Variants in BIN1 observed in about 807,000 individuals in gnomAD.
BIN1 encodes the protein bridging integrator 1, also known as myc box-dependent-interacting protein 1.
A neutral mutation model predicts 82.0 loss-of-function variants in BIN1; 53 were observed. That is an observed-to-expected ratio of 0.65 (90% CI 0.52 to 0.81). BIN1 has a LOEUF of 0.81. Among genes scored for constraint, BIN1 ranks in the 40% least tolerant of loss-of-function variants. BIN1 has a pLI of 0.00. For synonymous variants in BIN1, 302 were observed against 328.0 expected, an observed-to-expected ratio of 0.92 and a Z score of 0.86; for missense variants, 642 against 784.4, an observed-to-expected ratio of 0.82 and a Z score of 2.17.
intron 1 of BIN1, among the ~76,000 whole-genome samples, chr2:127,077,816 G>A (rs2105156109): frequency 6.6e-6 from 1 of 152,314 alleles, no homozygotes; most frequent in East Asian, 1.9e-4. Context: ...CCTCCATCAG[G>A]GCGGCAGAAA....
At chr2:127,065,334 C>T (rs537640280) in intron 7 of BIN1, among the ~76,000 whole-genome samples, 11 of 152,278 alleles carry the variant, frequency 7.2e-5, no homozygotes, top group African/African-American at 2.4e-4. Flanking sequence ...TCTATTCCAA[C>T]ATGCACACCT....
At chr2:127,050,609 G>C in intron 17 of BIN1, 87 bp from the exon 18 acceptor site, 1 of 1,476,208 alleles carries the variant, frequency 6.8e-7, no homozygotes, top group South Asian at 1.2e-5. Context: ...GGAGGTGCAG[G>C]TGGCAGTATG....
intron 12 of BIN1, among the ~76,000 whole-genome samples, chr2:127,056,902 A>T (rs753032057): frequency 1.3e-5 from 2 of 151,972 alleles, no homozygotes; most frequent in African/African-American, 4.8e-5. Context: ...GAGACCCAAG[A>T]CCCTCTGCGT....
chr2:127,058,881 G>A lies in BIN1; in HGVS notation c.1002+130C>T, dbSNP rs947400701. ...CCCAGGTCCAGGCCCAACCCCCACTGGGCAAAGCATCGGGTCCATAGCTGC... is the reference window on the plus strand; with the variant it reads ...CCCAGGTCCAGGCCCAACCCCCACTAGGCAAAGCATCGGGTCCATAGCTGC... On this transcript the variant is annotated intron_variant, in intron 11 of 18. Coordinates refer to ENST00000316724, the MANE Select transcript of BIN1 (RefSeq NM_139343.3). 2.0e-4 allele frequency: 273 copies of A among 1,395,056 alleles called. 4 individuals are homozygous for A. The highest frequency in any genetic ancestry group is 1.3e-3 in the Middle Eastern group (5 of 3,914). The allele number at this position is 1,395,056 out of a possible 1,614,324, so 86.4% of individuals were successfully genotyped here. A position where few individuals can be genotyped will look rare whatever the true frequency, so the allele number is the denominator to read the frequency against.
At chr2:127,069,831 G>A (rs137898556) in intron 5 of BIN1, among the ~76,000 whole-genome samples, 164 bp downstream of exon 5, 2,292 of 152,338 alleles carry the variant, frequency 0.015, 32 homozygotes, top group Middle Eastern at 0.024. Flanking sequence ...GGGGGCCGTG[G>A]GCTGGTGGCA....
intron 1 of BIN1, among the ~76,000 whole-genome samples, chr2:127,101,207 C>T (rs150153774): frequency 3.1e-3 from 470 of 152,216 alleles, no homozygotes; most frequent in Admixed American, 4.5e-3. Flanking sequence ...AAACACCCAG[C>T]GAGGCTGCAC....
intron 1 of BIN1, among the ~76,000 whole-genome samples, chr2:127,105,892 G>A (rs1412192736): frequency 6.6e-6 from 1 of 152,382 alleles, no homozygotes; most frequent in Admixed American, 6.5e-5. Context: ...AGATTTCAGA[G>A]TTGGAGTCGT....
chr2:127,060,991 T>A (rs1684381403), intron 10 of BIN1, among the ~76,000 whole-genome samples: 1 of 152,088 alleles, frequency 6.6e-6, no homozygotes, highest in South Asian at 2.1e-4. Context: ...ACAAGAGGCC[T>A]CTCTGCTGGA....
intron 8 of BIN1, 141 bp from the exon 9 acceptor site, chr2:127,063,787 G>A (rs557844950): frequency 7.2e-7 from 1 of 1,398,032 alleles, no homozygotes; most frequent in African/African-American, 1.4e-5. Flanking sequence ...ACTCAGGCTG[G>A]ACACTGCAGC....
At chr2:127,106,694 G>A (rs1431058322) in intron 1 of BIN1, among the ~76,000 whole-genome samples, 166 bp downstream of exon 1, 1 of 152,152 alleles carries the variant, frequency 6.6e-6, no homozygotes. Context: ...GAGCGCCGGG[G>A]AACGCAGCCT....
At chr2:127,061,759 A>G (rs1169437672) in intron 10 of BIN1, among the ~76,000 whole-genome samples, 1 of 152,224 alleles carries the variant, frequency 6.6e-6, no homozygotes, top group East Asian at 1.9e-4. Context: ...AGAGGACTGC[A>G]CACCCCGGAG....
At chr2:127,062,308 G>A (rs1021392775) in intron 9 of BIN1, 111 bp from the exon 10 acceptor site, 8 of 1,091,580 alleles carry the variant, frequency 7.3e-6, no homozygotes, top group Non-Finnish European at 2.7e-6. Context: ...CCAGGAACAA[G>A]CTCCTCTTTC....
chr2:127,106,793 G>A, intron 1 of BIN1, 67 bp downstream of exon 1: 1 of 1,534,602 alleles, frequency 6.5e-7, no homozygotes, highest in East Asian at 2.5e-5. Context: ...CGGAGGATAG[G>A]GGGACAGGTG....
In BIN1 at chr2:127,080,045, G is replaced by C. The variant is rs367731635; in HGVS notation, c.85-3339C>G. 1.4e-3 allele frequency among the ~76,000 whole-genome samples: 208 copies of C among 152,368 alleles called. 3 individuals carry two copies. Among genetic ancestry groups the C allele is most frequent in the African/African-American group, 4.7e-3 (197 of 41,594 alleles). ...AAGGCCACAGCATGGCCGAGGCCCA[G>C]GGAAGACCCATGGGCGAGGCTGGCC... On this transcript the variant is annotated intron_variant, in intron 1 of 18. Transcript: ENST00000316724.
chr2:127,050,030 C>T (rs1682687405), intron 18 of BIN1, among the ~76,000 whole-genome samples: 2 of 152,094 alleles, frequency 1.3e-5, no homozygotes, highest in East Asian at 1.9e-4. Context: ...ACCTTGTGGG[C>T]GGGGCAGGAG....
Position 127,068,140 on chromosome 2 carries a change from G to T in BIN1, c.612+23C>A. The T allele has an allele frequency of 6.2e-7, 1 of 1,607,986 alleles. No individual in the cohort carries two copies. Among genetic ancestry groups the T allele is most frequent in the Non-Finnish European group, 8.5e-7 (1 of 1,176,334 alleles). On this transcript the variant is annotated intron_variant, in intron 7 of 18. Transcript: ENST00000316724. This position sits in a 1 kb window ranked among gnomAD's most constrained non-coding sequence, Gnocchi z 4.9. ...GACAGACCGGAAGGCGCCAGCACGT[G>T]CAAGGTTAGAAGCCAGTGTCACCTG...
Position 127,101,338 on chromosome 2 carries a change from G to A in BIN1, c.84+5522C>T, listed in dbSNP as rs531447773. ...CGTGGGTGCCCCTCACCTGGGACGG[G>A]AGCTGCCCACCTGACTCTCTCCACC... On this transcript the variant is annotated intron_variant, in intron 1 of 18. Coordinates refer to ENST00000316724, the MANE Select transcript of BIN1 (RefSeq NM_139343.3). 5.9e-5 allele frequency among the ~76,000 whole-genome samples: 9 copies of A among 152,242 alleles called. No homozygotes were observed. In the South Asian group the frequency reaches 1.9e-3, roughly 32 times the overall value.
rs1685323220 is a variant in BIN1, at chr2:127,067,681, G to A, written c.612+482C>T. On this transcript the variant is annotated intron_variant, in intron 7 of 18. Transcript: ENST00000316724. The surrounding 1 kb of genome is among the most constrained non-coding windows in gnomAD (Gnocchi z 4.7). ...CTTCAGTCAGGAGAGCCCCAACCCT[G>A]CCCCTAACCGGCTCTGGGGCCCTGG... 6.6e-6 allele frequency among the ~76,000 whole-genome samples: 1 copy of A among 152,218 alleles called. No individual in the cohort carries two copies. The highest frequency in any genetic ancestry group is 1.5e-5 in the Non-Finnish European group (1 of 68,042).
intron 1 of BIN1, among the ~76,000 whole-genome samples, chr2:127,106,100 C>T (rs1020353582): frequency 6.6e-6 from 1 of 152,212 alleles, no homozygotes; most frequent in African/African-American, 2.4e-5. Context: ...GTGGCGCCTT[C>T]CACGCGCCTC....
Sources: gnomAD v4.1 joint callset for allele counts (sites outside exome capture counted in the v4.1 genomes callset) on GRCh38, gnomAD v4.1.1 for gene constraint, Gnocchi (gnomAD v3.1) non-coding constraint, MANE v1.5 for transcripts, NCBI Gene and HGNC (gene_info 2026-07-23, HGNC 2026-07-21) for gene names.